Variants in LRGUK observed in about 807,000 individuals in gnomAD.
LRGUK encodes leucine-rich repeat and guanylate kinase domain-containing protein.
In LRGUK, 65 loss-of-function variants were observed where a neutral mutation model predicts 76.0. That is an observed-to-expected ratio of 0.85 (90% CI 0.70 to 1.05). The LOEUF is 1.05. LRGUK is among the 50% of genes least tolerant of loss of function. The pLI is 0.00. For synonymous variants in LRGUK, 268 were observed against 265.6 expected (o/e 1.01, Z -0.09); for missense variants, 758 against 732.8 (o/e 1.03, Z -0.40).
intron 18 of LRGUK, 100 bp downstream of exon 18, chr7:134,249,176 G>A: frequency 7.6e-7 from 1 of 1,309,736 alleles, no homozygotes; most frequent in South Asian, 2.1e-5. Flanking sequence ...CTAAAACTGG[G>A]AAGCAGGGCC....
intron 16 of LRGUK, among the ~76,000 whole-genome samples, chr7:134,242,367 G>C (rs1321995889): frequency 6.6e-6 from 1 of 152,000 alleles, no homozygotes; most frequent in African/African-American, 2.4e-5. Flanking sequence ...ATGATAAAGG[G>C]GATATCACCA....
chr7:134,255,510 G>A (rs533413367), intron 18 of LRGUK, among the ~76,000 whole-genome samples: 26 of 152,158 alleles, frequency 1.7e-4, no homozygotes, highest in Non-Finnish European at 3.2e-4. Flanking sequence ...ACACAGGCAC[G>A]TCTGTGATGA....
At chr7:134,271,222 A>T in the LRGUK span, among the ~76,000 whole-genome samples, 75,719 of 151,702 alleles carry the variant, frequency 0.5, 19,318 homozygotes, top group African/African-American at 0.57. Flanking sequence ...TTGTTAATTA[A>T]GCATATTACA....
chr7:134,143,585 C>T (rs1250749285), intron 4 of LRGUK, among the ~76,000 whole-genome samples: 1 of 152,170 alleles, frequency 6.6e-6, no homozygotes, highest in East Asian at 1.9e-4. Flanking sequence ...AGCGGAATAA[C>T]TTATCTGAAA....
chr7:134,139,072 CA>C (rs1030035109), intron 2 of LRGUK, among the ~76,000 whole-genome samples: 3 of 152,080 alleles, frequency 2.0e-5, no homozygotes, highest in African/African-American at 7.2e-5. Context: ...AAATTCTAGA[CA>C]TTTTTTTCTT....
chr7:134,165,010 T>G (rs1477818647), intron 7 of LRGUK, among the ~76,000 whole-genome samples: 1 of 152,206 alleles, frequency 6.6e-6, no homozygotes, highest in African/African-American at 2.4e-5. Context: ...GCATTTGCCA[T>G]TGAAGACTGA....
At chr7:134,249,031 G>T in exon 18 of LRGUK, 1 of 1,594,460 alleles carries the variant, frequency 6.3e-7, no homozygotes, top group Non-Finnish European at 8.6e-7. Context: ...TTTGATCTTT[G>T]TGAAGACTAT....
intron 5 of LRGUK, among the ~76,000 whole-genome samples, chr7:134,154,857 A>G (rs953954285): frequency 5.9e-5 from 9 of 152,242 alleles, no homozygotes; most frequent in Admixed American, 5.9e-4. Context: ...AACTGTGGTT[A>G]GCCTCTAATG....
At chr7:134,148,707 C>A (rs1798079321) in intron 5 of LRGUK, among the ~76,000 whole-genome samples, 1 of 152,110 alleles carries the variant, frequency 6.6e-6, no homozygotes, top group Admixed American at 6.5e-5. Flanking sequence ...AGGTGGATCA[C>A]CTGAGGTCGG....
chr7:134,186,267 C>G (rs1410785773), intron 11 of LRGUK, among the ~76,000 whole-genome samples: 8 of 152,190 alleles, frequency 5.3e-5, no homozygotes, highest in Non-Finnish European at 1.2e-4. Context: ...CCAATCTGCC[C>G]TTACATTCTT....
chr7:134,199,425 G>A lies in LRGUK; in HGVS notation c.1747+4G>A. 1 of 1,603,454 alleles carries A rather than the reference G, an allele frequency of 6.2e-7. No homozygotes were observed. The highest frequency in any genetic ancestry group is 8.5e-7 in the Non-Finnish European group (1 of 1,173,876). ...TTTGATGAGGTAATCAATGCAGGTT[G>A]GTAATTTTCAGCAAAGTTTTGTTTT... On this transcript the variant is annotated splice_donor_region_variant and intron_variant, in intron 14 of 15. Transcript: ENST00000645682.
At chr7:134,219,710 GTC>G (rs987873893) in intron 15 of LRGUK, among the ~76,000 whole-genome samples, 1 of 150,606 alleles carries the variant, frequency 6.6e-6, no homozygotes, top group Non-Finnish European at 1.5e-5. Flanking sequence ...CTCTCTCTCT[GTC>G]TCTCTCTCTC....
chr7:134,206,984 C>G (rs955892740), intron 15 of LRGUK, among the ~76,000 whole-genome samples: 1 of 152,080 alleles, frequency 6.6e-6, no homozygotes, highest in Non-Finnish European at 1.5e-5. Flanking sequence ...TAATAAAAGG[C>G]CTGGTATGAT....
intron 1 of LRGUK, among the ~76,000 whole-genome samples, chr7:134,134,264 G>A (rs1585411793): frequency 6.6e-6 from 1 of 152,228 alleles, no homozygotes; most frequent in South Asian, 2.1e-4. Context: ...AAACACTGGG[G>A]TCTGAGGTTT....
At chr7:134,131,421 C>A (rs898209345) in intron 1 of LRGUK, among the ~76,000 whole-genome samples, 1 of 152,196 alleles carries the variant, frequency 6.6e-6, no homozygotes, top group Non-Finnish European at 1.5e-5. Flanking sequence ...GTATGTCTTA[C>A]AGAGATGAGT....
chr7:134,247,463 C>A, intron 16 of LRGUK, 93 bp from the exon 17 acceptor site: 3 of 787,358 alleles, frequency 3.8e-6, no homozygotes, highest in Non-Finnish European at 6.0e-6. Flanking sequence ...ACATATTTGT[C>A]AATCTCTAGT....
chr7:134,223,492 G>A (rs1342616398), intron 16 of LRGUK, among the ~76,000 whole-genome samples: 2 of 152,202 alleles, frequency 1.3e-5, no homozygotes, highest in African/African-American at 2.4e-5. Context: ...ATGATACTGA[G>A]TGTAGGAAAG....
Position 134,206,344 on chromosome 7 carries a change from G to A in LRGUK, c.1844-2363G>A, listed in dbSNP as rs150559670. On this transcript the variant is annotated intron_variant, in intron 15 of 15. Coordinates refer to ENST00000645682, the Ensembl canonical transcript of LRGUK. Reference sequence around the variant, plus strand: ...ATCCTGGCCAACATGGAGAAATCCCGTCTCTACTAAAAATACAAAAATTAG... The same window carrying A: ...ATCCTGGCCAACATGGAGAAATCCCATCTCTACTAAAAATACAAAAATTAG... Among the ~76,000 whole-genome samples the A allele has an allele frequency of 2.0e-4, 31 of 152,172 alleles. 1 individual carries two copies. The highest frequency in any genetic ancestry group is 7.2e-4 in the Admixed American group (11 of 15,282).
chr7:134,248,887 G>T, intron 17 of LRGUK, 64 bp from the exon 18 acceptor site: 1 of 1,291,890 alleles, frequency 7.7e-7, no homozygotes, highest in Non-Finnish European at 1.0e-6. Flanking sequence ...GTATACATGT[G>T]TGTACACTTG....
Sources: gnomAD v4.1 joint callset for allele counts (sites outside exome capture counted in the v4.1 genomes callset) on GRCh38, gnomAD v4.1.1 for gene constraint, MANE v1.5 for transcripts, NCBI Gene and HGNC (gene_info 2026-07-23, HGNC 2026-07-21) for gene names.